The following CD109 variants were observed in gnomAD, a reference collection of about 807,000 sequenced individuals.
The protein encoded by CD109 is CD109 molecule.
Under a neutral mutation model 165.8 loss-of-function variants are expected in CD109, and 149 were observed. The ratio of observed to expected loss-of-function variants is 0.90; its 90% CI spans 0.79 to 1.03. CD109 has a LOEUF of 1.03. Among genes scored for constraint, CD109 ranks in the 50% least tolerant of loss-of-function variants. CD109 has a pLI of 0.00. For missense variants in CD109, 1,712 were observed against 1,677.8 expected, an observed-to-expected ratio of 1.02 and a Z score of -0.36; for synonymous variants, 585 against 592.1, an observed-to-expected ratio of 0.99 and a Z score of 0.18.
chr6:73,744,128 TCTGCC>T (rs1353972289), intron 5 of CD109, among the ~76,000 whole-genome samples: 1 of 152,244 alleles, frequency 6.6e-6, no homozygotes, highest in Admixed American at 6.5e-5. Flanking sequence ...GGTGCAACCA[TCTGCC>T]ACCATCCATC....
the CD109 span, among the ~76,000 whole-genome samples, chr6:73,688,828 G>A: frequency 2.2e-5 from 3 of 138,556 alleles, no homozygotes; most frequent in African/African-American, 2.7e-5. Context: ...GGAGTGCAGC[G>A]GTGTAATCAA....
At chr6:73,756,710 G>A in intron 6 of CD109, 28 bp downstream of exon 6, 1 of 1,441,622 alleles carries the variant, frequency 6.9e-7, no homozygotes, top group Non-Finnish European at 9.4e-7. Flanking sequence ...TATTTTGGAA[G>A]AAAAAAACAT....
chr6:73,784,100 A>G (rs1429011821), intron 19 of CD109, among the ~76,000 whole-genome samples: 2 of 152,182 alleles, frequency 1.3e-5, no homozygotes, highest in Non-Finnish European at 2.9e-5. Flanking sequence ...GAAGAGAGAG[A>G]AAGAAAAAGA....
chr6:73,808,090 T>C lies in CD109; in HGVS notation c.3197T>C (p.Ile1066Thr), dbSNP rs771104129. 4 of 1,612,700 alleles carry C rather than the reference T, an allele frequency of 2.5e-6. No individual in the cohort carries two copies. Among genetic ancestry groups the C allele is most frequent in the Admixed American group, 1.7e-5 (1 of 59,856 alleles). Residue 1066 changes from isoleucine to threonine, a missense_variant, in exon 26 of 33, where the codon ATT becomes ACT. By Grantham distance (89) the Ile-to-Thr change is moderately conservative. Transcript: ENST00000287097. ...TACTTTTTTTCTTCCAAGCCTAACA[T>C]TGATGTGCAAGAGTCTATCCATTTT... Reference protein sequence around the residue: ...LLGYRKYQPNIDVQESIHFLE... With the variant: ...LLGYRKYQPNTDVQESIHFLE...
intron 4 of CD109, among the ~76,000 whole-genome samples, chr6:73,733,848 A>G (rs1772451708): frequency 6.6e-6 from 1 of 152,220 alleles, no homozygotes; most frequent in African/African-American, 2.4e-5. Flanking sequence ...ATCCAGAAAT[A>G]GTCCTCACAG....
intron 5 of CD109, among the ~76,000 whole-genome samples, chr6:73,737,722 G>A (rs1012302828): frequency 2.1e-4 from 32 of 152,166 alleles, no homozygotes; most frequent in African/African-American, 7.2e-4. Flanking sequence ...GAAAGAGTAG[G>A]CATTTGTGAA....
At position 73,787,183 on chromosome 6, in the gene CD109, T is replaced by C. The variant is rs527336802; in HGVS notation, c.2338-51T>C. ...TTAAACTGGTGATAAAAGAGCACTT[T>C]ACTGAAGAGCATCTATTATACAAAA... On this transcript the variant is annotated intron_variant, in intron 20 of 32. Transcript: ENST00000287097. 3.0e-5 allele frequency: 36 copies of C among 1,215,686 alleles called. No individual in the cohort carries two copies. In the African/African-American group the frequency reaches 4.1e-4, roughly 14 times the overall value. The allele number at this position is 1,215,686 out of a possible 1,614,324, so 75.3% of individuals were successfully genotyped here.
intron 20 of CD109, among the ~76,000 whole-genome samples, chr6:73,786,913 C>T (rs1291462732): frequency 6.6e-6 from 1 of 152,100 alleles, no homozygotes; most frequent in African/African-American, 2.4e-5. Flanking sequence ...GTAGTAATAT[C>T]AATATATGAA....
chr6:73,749,479 T>C (rs1226966042), intron 5 of CD109, among the ~76,000 whole-genome samples: 2 of 151,988 alleles, frequency 1.3e-5, no homozygotes, highest in Non-Finnish European at 2.9e-5. Flanking sequence ...AGAGTAGTAG[T>C]TGAAGAGAAA....
In CD109 at chr6:73,696,215, G is replaced by A. The variant is rs773370652; in HGVS notation, c.-1G>A. On this transcript the variant is annotated 5_prime_UTR_variant, in exon 1 of 33. Coordinates refer to ENST00000287097, the MANE Select transcript of CD109 (RefSeq NM_133493.5). ...CTGTAGCCCAGGCAGACGCCGTCGA[G>A]ATGCAGGGCCCACCGCTCCTGACCG... is the stretch of plus-strand genomic sequence containing the variant. 6.5e-7 allele frequency: 1 copy of A among 1,546,132 alleles called. No homozygotes were observed. Among genetic ancestry groups the A allele is most frequent in the South Asian group, 1.2e-5 (1 of 84,312 alleles).
chr6:73,742,152 C>T (rs1311333140), intron 5 of CD109, among the ~76,000 whole-genome samples: 2 of 152,134 alleles, frequency 1.3e-5, no homozygotes, highest in African/African-American at 2.4e-5. Context: ...TGAAAATCTA[C>T]ACCTATTAAA....
intron 17 of CD109, 152 bp downstream of exon 17, chr6:73,781,471 T>A (rs1022232803): frequency 6.2e-6 from 4 of 642,712 alleles, no homozygotes; most frequent in Non-Finnish European, 1.1e-5. Context: ...TTAATGTACT[T>A]AGAAGTACAT....
intron 5 of CD109, among the ~76,000 whole-genome samples, chr6:73,750,979 AATATGTC>A (rs1773168181): frequency 6.6e-6 from 1 of 152,130 alleles, no homozygotes; most frequent in Non-Finnish European, 1.5e-5. Context: ...TTCAGTAATT[AATATGTC>A]CAGTCTAATA....
intron 14 of CD109, among the ~76,000 whole-genome samples, chr6:73,769,749 G>T (rs1421181800): frequency 6.6e-6 from 1 of 152,198 alleles, no homozygotes; most frequent in Non-Finnish European, 1.5e-5. Flanking sequence ...AAGCCATGGG[G>T]CTCTGAGGTA....
chr6:73,813,053 G>A (rs893727157), intron 29 of CD109, among the ~76,000 whole-genome samples: 1 of 152,048 alleles, frequency 6.6e-6, no homozygotes, highest in Non-Finnish European at 1.5e-5. Context: ...TGAGTAGGGC[G>A]GGTATACCTT....
chr6:73,704,360 G>A (rs762629226), intron 2 of CD109, among the ~76,000 whole-genome samples: 6 of 152,078 alleles, frequency 3.9e-5, no homozygotes, highest in South Asian at 4.1e-4. Context: ...TCATGGCGGC[G>A]GAGGGAAGGC....
chr6:73,780,325 T>C, intron 15 of CD109, 99 bp from the exon 16 acceptor site: 1 of 787,410 alleles, frequency 1.3e-6, no homozygotes, highest in Non-Finnish European at 2.2e-6. Flanking sequence ...ATTTTCAAAG[T>C]TGATAAACAT....
intron 4 of CD109, among the ~76,000 whole-genome samples, chr6:73,734,648 G>GT (rs1290374196): frequency 1.3e-5 from 2 of 152,118 alleles, no homozygotes; most frequent in East Asian, 3.9e-4. Flanking sequence ...TTGGTCTCTG[G>GT]TTTTCACAAT....
the CD109 span, among the ~76,000 whole-genome samples, chr6:73,681,843 T>G: frequency 6.6e-6 from 1 of 152,112 alleles, no homozygotes; most frequent in Non-Finnish European, 1.5e-5. Context: ...CCTCAGGTGA[T>G]CTGCCCACCT....
Sources: allele counts gnomAD v4.1 joint callset (sites outside exome capture counted in the v4.1 genomes callset), GRCh38; gene constraint gnomAD v4.1.1; transcripts MANE v1.5; gene names NCBI Gene and HGNC (gene_info 2026-07-23, HGNC 2026-07-21).